DCAF5: variants seen among roughly 807,000 people sequenced by gnomAD.
The protein encoded by DCAF5 is DDB1- and CUL4-associated factor 5.
DCAF5 carries 9 observed loss-of-function variants against 80.7 expected under a neutral mutation model. The ratio of observed to expected loss-of-function variants is 0.11; its 90% CI spans 0.07 to 0.19. The LOEUF is 0.19. Among genes scored for constraint, DCAF5 ranks in the 10% least tolerant of loss-of-function variants. The pLI, the probability that DCAF5 is intolerant of heterozygous loss-of-function variation, is 1.00. For synonymous variants in DCAF5, 433 were observed against 461.9 expected, an observed-to-expected ratio of 0.94 and a Z score of 0.80; for missense variants, 842 against 1,205.7, an observed-to-expected ratio of 0.70 and a Z score of 4.47.
chr14:69,066,187 T>A (rs2038433234), intron 7 of DCAF5, among the ~76,000 whole-genome samples: 1 of 147,750 alleles, frequency 6.8e-6, no homozygotes, highest in Admixed American at 7.0e-5. Context: ...CAGGCTAGAG[T>A]GTAGTGGCAT....
At chr14:69,059,928 C>T (rs1285104103) in intron 8 of DCAF5, among the ~76,000 whole-genome samples, 1 of 152,010 alleles carries the variant, frequency 6.6e-6, no homozygotes, top group African/African-American at 2.4e-5. Context: ...TTCTCTTTTT[C>T]CTCTGAGAAC....
chr14:69,054,838 A>G lies in DCAF5; in HGVS notation c.1848T>C (p.Asp616=). Residue 616 remains aspartate (D), a synonymous_variant, in exon 9 of 9, where the codon GAT becomes GAC. Transcript: ENST00000341516. ...GGTCATCCACTTTGATCTGGGGGTAATCATAGTTGTCTTCTCCAATGTAAG... is the reference window on the plus strand; with the variant it reads ...GGTCATCCACTTTGATCTGGGGGTAGTCATAGTTGTCTTCTCCAATGTAAG... The part of the protein sequence containing the change: ...TNTYIGEDNY[D]YPQIKVDDLS... 6.2e-7 allele frequency: 1 copy of G among 1,614,096 alleles called. No homozygotes were observed. The highest frequency in any genetic ancestry group is 8.5e-7 in the Non-Finnish European group (1 of 1,180,028).
intron 7 of DCAF5, among the ~76,000 whole-genome samples, chr14:69,068,899 A>AT (rs1243991269): frequency 6.6e-6 from 1 of 152,190 alleles, no homozygotes; most frequent in African/African-American, 2.4e-5. Flanking sequence ...TGGAGACCAC[A>AT]TAACTACTTA....
intron 5 of DCAF5, among the ~76,000 whole-genome samples, chr14:69,110,861 A>C (rs1469671393): frequency 7.5e-6 from 1 of 133,922 alleles, no homozygotes; most frequent in African/African-American, 3.0e-5. Flanking sequence ...TGGGCAACAG[A>C]CCAAGACCCT....
chr14:69,083,893 G>A (rs549919083), intron 6 of DCAF5: 1 of 773,334 alleles, frequency 1.3e-6, no homozygotes, highest in Admixed American at 1.7e-5. Flanking sequence ...GGGACTGACA[G>A]GAGCTTTTGA....
At chr14:69,115,855 A>G (rs2040527952) in intron 5 of DCAF5, among the ~76,000 whole-genome samples, 1 of 152,214 alleles carries the variant, frequency 6.6e-6, no homozygotes, top group Non-Finnish European at 1.5e-5. Flanking sequence ...AGTCCTTTTG[A>G]TAAACAGAAA....
intron 5 of DCAF5, among the ~76,000 whole-genome samples, chr14:69,092,241 T>C (rs1265433112): frequency 2.0e-5 from 3 of 152,134 alleles, no homozygotes; most frequent in African/African-American, 7.2e-5. Flanking sequence ...GAGAAGTGGG[T>C]TGTATCCACT....
At position 69,056,830 on chromosome 14, in the gene DCAF5, T is replaced by C. The variant is rs1338493984; in HGVS notation, c.1075-1219A>G. 2.0e-5 allele frequency among the ~76,000 whole-genome samples: 3 copies of C among 148,326 alleles called. No homozygotes were observed. In the East Asian group the frequency reaches 5.8e-4, roughly 29 times the overall value. On this transcript the variant is annotated intron_variant, in intron 8 of 8. Coordinates refer to ENST00000341516, the MANE Select transcript of DCAF5 (RefSeq NM_003861.3). ...TGGTATCTCTGCAGAGGACCCCCCA[T>C]TTCCAAAGAGGCTGAAGAAACCTTC...
intron 1 of DCAF5, among the ~76,000 whole-genome samples, chr14:69,151,888 C>G (rs1364906286): frequency 6.6e-6 from 1 of 152,216 alleles, no homozygotes; most frequent in East Asian, 1.9e-4. Flanking sequence ...CGCCACTTTC[C>G]CCAAACCAGA....
rs773121592 is a variant in DCAF5, at chr14:69,118,194, A to G, written c.480T>C (p.Ser160=). Residue 160 remains serine (S), a synonymous_variant, in exon 4 of 9, where the codon AGT becomes AGC. Coordinates refer to ENST00000341516, the MANE Select transcript of DCAF5 (RefSeq NM_003861.3). This position sits in a 1 kb window ranked among gnomAD's most constrained non-coding sequence, Gnocchi z 4.0. ...VSPVNDNIFA[S]SSDDGRVLIW... is the part of the protein sequence containing the mutation. The stretch of plus-strand genomic sequence containing the variant: ...TGAGAACCCGGCCATCATCTGAGGA[A>G]CTGGCAAAAATGTTGTCATTCACTG... 1.2e-6 allele frequency: 2 copies of G among 1,614,016 alleles called. No homozygotes were observed. Among genetic ancestry groups the G allele is most frequent in the African/African-American group, 1.3e-5 (1 of 75,038 alleles).
At chr14:69,093,602 T>A (rs1411056809) in intron 5 of DCAF5, among the ~76,000 whole-genome samples, 1 of 152,140 alleles carries the variant, frequency 6.6e-6, no homozygotes, top group African/African-American at 2.4e-5. Flanking sequence ...AGGGAAGCCC[T>A]GAAACCACAG....
chr14:69,058,757 C>T (rs1408073396), intron 8 of DCAF5, among the ~76,000 whole-genome samples: 1 of 151,374 alleles, frequency 6.6e-6, no homozygotes, highest in East Asian at 2.0e-4. Context: ...CCTGAAGTCC[C>T]AGCTACTCAG....
At chr14:69,092,163 C>T (rs1344553884) in intron 5 of DCAF5, among the ~76,000 whole-genome samples, 1 of 152,154 alleles carries the variant, frequency 6.6e-6, no homozygotes, top group Non-Finnish European at 1.5e-5. Flanking sequence ...AAAGAAGAGA[C>T]ATATTAAAAT....
At chr14:69,137,881 T>A (rs1288879721) in intron 1 of DCAF5, among the ~76,000 whole-genome samples, 1 of 152,224 alleles carries the variant, frequency 6.6e-6, no homozygotes, top group Non-Finnish European at 1.5e-5. Flanking sequence ...TGTTAATGTA[T>A]TACTGTGCCT....
At chr14:69,143,569 T>A (rs2041441100) in intron 1 of DCAF5, among the ~76,000 whole-genome samples, 1 of 149,860 alleles carries the variant, frequency 6.7e-6, no homozygotes, top group African/African-American at 2.5e-5. Context: ...TTTTTTTTTT[T>A]TTTTTTTTTA....
intron 1 of DCAF5, among the ~76,000 whole-genome samples, chr14:69,123,852 C>A (rs2040798832): frequency 6.6e-6 from 1 of 152,156 alleles, no homozygotes; most frequent in Non-Finnish European, 1.5e-5. Context: ...GCTCCCACCA[C>A]CACGCCCAGC....
At chr14:69,106,963 A>ACC (rs1425947334) in intron 5 of DCAF5, among the ~76,000 whole-genome samples, 1 of 152,112 alleles carries the variant, frequency 6.6e-6, no homozygotes, top group Non-Finnish European at 1.5e-5. Context: ...AATCGCCTGA[A>ACC]CCCAAGAGGT....
intron 3 of DCAF5, 186 bp downstream of exon 3, chr14:69,119,008 C>A: frequency 1.7e-6 from 1 of 572,366 alleles, no homozygotes; most frequent in Non-Finnish European, 2.9e-6. Flanking sequence ...CTTTCAAATC[C>A]CTTTTTCCTT....
intron 1 of DCAF5, among the ~76,000 whole-genome samples, chr14:69,130,638 T>G (rs147939691): frequency 7.9e-5 from 12 of 152,336 alleles, no homozygotes; most frequent in African/African-American, 2.9e-4. Context: ...ATATGTACAA[T>G]GCAGCCTAAA....
Sources: allele counts gnomAD v4.1 joint callset (sites outside exome capture counted in the v4.1 genomes callset), GRCh38; gene constraint gnomAD v4.1.1; non-coding constraint Gnocchi (gnomAD v3.1); transcripts MANE v1.5; gene names NCBI Gene and HGNC (gene_info 2026-07-23, HGNC 2026-07-21).